Variants in WDR13 observed in about 807,000 individuals in gnomAD.
WDR13 encodes the protein WD repeat-containing protein 13.
Under a neutral mutation model 28.6 loss-of-function variants are expected in WDR13, and 1 was observed. The ratio of observed to expected loss-of-function variants is 0.03; its 90% CI spans 0.01 to 0.17. WDR13 has a LOEUF of 0.17. Ranked by LOEUF, WDR13 falls within the 10% of genes least tolerant of loss-of-function variation. The probability of loss-of-function intolerance (pLI) is 1.00; values close to 1 mark genes in which losing one functional copy is unlikely to be tolerated. For synonymous variants in WDR13, 201 were observed against 185.9 expected (o/e 1.08, Z -0.66); for missense variants, 264 against 469.3 (o/e 0.56, Z 4.04).
Position 48,598,900 on chromosome X carries a change from T to C in WDR13, c.225T>C (p.Ala75=). 1.7e-6 allele frequency: 2 copies of C among 1,210,104 alleles called. No individual in the cohort carries two copies. The highest frequency in any genetic ancestry group is 3.5e-5 in the South Asian group (2 of 56,888). ...RYGPLSEPGS[A]RAYSNSIVRS... ...GGCCCCTCTCCGAGCCAGGCAGTGCTCGTGCCTATAGCAACAGCATCGTCC... is the reference window on the plus strand; with the variant it reads ...GGCCCCTCTCCGAGCCAGGCAGTGCCCGTGCCTATAGCAACAGCATCGTCC... The change falls in exon 3 of 10, where the codon GCT becomes GCC. Residue 75 remains alanine, a synonymous_variant. Transcript: ENST00000376729.
At position 48,602,088 on chromosome X, in the gene WDR13, T is replaced by G. The variant is rs1306649710; in HGVS notation, c.1036T>G (p.Leu346Val). ...ATGKLTKAKR[L>V]VVHEGSPVTS... The stretch of plus-strand genomic sequence containing the variant: ...AGGGAAGCTGACCAAAGCCAAGCGT[T>G]TGGTGGTGCATGAGGGGAGCCCTGT... Residue 346 changes from leucine to valine, a missense_variant, in exon 8 of 10, where the codon TTG becomes GTG. Coordinates refer to ENST00000376729, the MANE Select transcript of WDR13 (RefSeq NM_001347217.2). 3.3e-6 allele frequency: 4 copies of G among 1,211,806 alleles called. No homozygotes were observed. The highest frequency in any genetic ancestry group is 4.5e-6 in the Non-Finnish European group (4 of 895,364).
chrX:48,604,741 A>T lies in WDR13; in HGVS notation c.1274-107A>T, dbSNP rs1282692507. The T allele has an allele frequency of 4.3e-6, 4 of 921,507 alleles. No homozygotes were observed. The African/African-American group carries it at 7.9e-5, about 18-fold the overall frequency. 75.9% of individuals were successfully genotyped at this position (921,507 alleles called of 1,213,427 possible). ...TCAAACCTCCCCAAGCCATGCTAGG[A>T]CCTCACACCTCGGACATACACCCTT... On this transcript the variant is annotated intron_variant, in intron 9 of 9. Transcript: ENST00000376729.
chrX:48,601,653 C>T, intron 6 of WDR13, 131 bp from the exon 7 acceptor site: 2 of 646,314 alleles, frequency 3.1e-6, no homozygotes, highest in South Asian at 1.1e-4. Flanking sequence ...ACCTTGTCTA[C>T]CTGCCACAGC....
Position 48,607,250 on chromosome X carries a change from CA to C in WDR13, c.*2220del, listed in dbSNP as rs2062225628. ...GGGCTTCTCTCTCATTGGAGTCACA[CA>C]AGATGTGCTCGGTTCACAGTAATGG... On this transcript the variant is annotated 3_prime_UTR_variant, in exon 10 of 10. Coordinates refer to ENST00000376729, the MANE Select transcript of WDR13 (RefSeq NM_001347217.2). The C allele has an allele frequency of 9.0e-6, 1 of 110,679 alleles. No homozygotes were observed. Among genetic ancestry groups the C allele is most frequent in the Non-Finnish European group, 1.9e-5 (1 of 52,938 alleles). 9.1% of individuals were successfully genotyped at this position (110,679 alleles called of 1,213,427 possible).
rs188914834 is a variant in WDR13, at chrX:48,604,472, C to T, written c.1273+82C>T. ...TGGTGCCAACCTGGCTCAGACATCACGACACCGATGCCCTGACTTCCTGGA... is the reference window on the plus strand; with the variant it reads ...TGGTGCCAACCTGGCTCAGACATCATGACACCGATGCCCTGACTTCCTGGA... On this transcript the variant is annotated intron_variant, in intron 9 of 9. Transcript: ENST00000376729. The T allele has an allele frequency of 5.4e-3, 4,570 of 846,966 alleles. 16 individuals carry two copies. Among genetic ancestry groups the T allele is most frequent in the Non-Finnish European group, 7.2e-3 (4,248 of 590,419 alleles). The allele number at this position is 846,966 out of a possible 1,213,427, so 69.8% of individuals were successfully genotyped here.
chrX:48,600,272 G>GC, intron 5 of WDR13, 47 bp from the exon 6 acceptor site: 5 of 1,149,640 alleles, frequency 4.3e-6, no homozygotes, highest in Non-Finnish European at 5.8e-6. Flanking sequence ...AGAGAAAAGT[G>GC]CCCAGTGAGT....
chrX:48,598,180 C>T, intron 2 of WDR13, 143 bp downstream of exon 2: 2 of 1,132,230 alleles, frequency 1.8e-6, no homozygotes, highest in Non-Finnish European at 2.3e-6. Context: ...CGGGGGCGGG[C>T]ACGCCCGCGG....
intron 8 of WDR13, 168 bp from the exon 9 acceptor site, chrX:48,604,104 A>G: frequency 2.3e-6 from 1 of 435,134 alleles, no homozygotes; most frequent in Non-Finnish European, 3.9e-6. Context: ...GCACCACTAC[A>G]CTCCAGCCTG....
Position 48,605,123 on chromosome X carries a change from C to T in WDR13, c.*91C>T, listed in dbSNP as rs1431886513. On this transcript the variant is annotated 3_prime_UTR_variant, in exon 10 of 10. Coordinates refer to ENST00000376729, the MANE Select transcript of WDR13 (RefSeq NM_001347217.2). ...AAGTTTCGGTGGTCATGCTGAGGGC[C>T]GGCTCCCAGCTCTGCCGGGGACGGA... The T allele has an allele frequency of 1.9e-5, 20 of 1,063,533 alleles. No homozygotes were observed. Among genetic ancestry groups the T allele is most frequent in the East Asian group, 6.6e-5 (2 of 30,148 alleles). 87.6% of individuals were successfully genotyped at this position (1,063,533 alleles called of 1,213,427 possible).
intron 6 of WDR13, 57 bp from the exon 7 acceptor site, chrX:48,601,727 A>G: frequency 2.7e-6 from 3 of 1,099,896 alleles, no homozygotes; most frequent in Non-Finnish European, 3.6e-6. Context: ...CACTGTGGTC[A>G]GACTCAAGGA....
At position 48,600,716 on chromosome X, in the gene WDR13, AG is replaced by A. The variant is rs370013333; in HGVS notation, c.831+97del. On this transcript the variant is annotated intron_variant, in intron 6 of 9. Coordinates refer to ENST00000376729, the MANE Select transcript of WDR13 (RefSeq NM_001347217.2). ...AATCAGAGTATAAGGAGGGACAGCC[AG>A]GGGGGGCCTAGGACCCCCCCACCCC... 2,202 of 1,055,719 alleles carry A rather than the reference AG, an allele frequency of 2.1e-3. 25 individuals are homozygous for A. The African/African-American group carries it at 0.03, about 14-fold the overall frequency. 87.0% of individuals were successfully genotyped at this position (1,055,719 alleles called of 1,213,427 possible). A position where few individuals can be genotyped will look rare whatever the true frequency, so the allele number is the denominator to read the frequency against.
At chrX:48,599,911 C>T (rs1556993924) in intron 5 of WDR13, 194 bp downstream of exon 5, 2 of 587,040 alleles carry the variant, frequency 3.4e-6, no homozygotes, top group Admixed American at 4.1e-5. Context: ...GCCTCAGAAG[C>T]CTAAGAGAGA....
At position 48,598,963 on chromosome X, in the gene WDR13, C is replaced by T; in HGVS notation, c.282+6C>T. ...CTACTCTTGACCGCATGGAGGTGAGCTTCTGGCCACATTCACCCCCGGGCA... is the reference window on the plus strand; with the variant it reads ...CTACTCTTGACCGCATGGAGGTGAGTTTCTGGCCACATTCACCCCCGGGCA... On this transcript the variant is annotated splice_donor_region_variant and intron_variant, in intron 3 of 9. Coordinates refer to ENST00000376729, the MANE Select transcript of WDR13 (RefSeq NM_001347217.2). 1 of 1,192,310 alleles carries T rather than the reference C, an allele frequency of 8.4e-7. No individual in the cohort carries two copies. Among genetic ancestry groups the T allele is most frequent in the Non-Finnish European group, 1.1e-6 (1 of 884,527 alleles).
intron 8 of WDR13, among the ~76,000 whole-genome samples, chrX:48,603,907 C>T (rs782398194): frequency 9.0e-6 from 1 of 111,498 alleles, no homozygotes; most frequent in African/African-American, 3.3e-5. Flanking sequence ...TTTATATCAA[C>T]AGAGACAGTT....
Position 48,600,559 on chromosome X carries a change from T to C in WDR13, c.764T>C (p.Ile255Thr). The change falls in exon 6 of 10, where the codon ATC (isoleucine) becomes ACC (threonine). Residue 255 changes from isoleucine to threonine, a missense_variant. By Grantham distance (89) the Ile-to-Thr change is moderately conservative. This residue lies in a region of WDR13 where 157 missense variants were observed against 270.2 expected (regional missense o/e 0.58). Transcript: ENST00000376729. ...ASEDGRCIRE[I>T]PDPDSAELLC... ...GAGGATGGTCGCTGCATCCGAGAGA[T>C]CCCTGACCCCGATAGCGCTGAACTG... is the stretch of plus-strand genomic sequence containing the variant. The C allele has an allele frequency of 8.3e-7, 1 of 1,211,624 alleles. No homozygotes were observed. The highest frequency in any genetic ancestry group is 1.1e-6 in the Non-Finnish European group (1 of 895,442).
At chrX:48,598,205 C>T in intron 2 of WDR13, 168 bp downstream of exon 2, 10 of 1,120,123 alleles carry the variant, frequency 8.9e-6, no homozygotes, top group East Asian at 3.5e-5. Flanking sequence ...TTGGCTGCGC[C>T]GGAGAGGATT....
chrX:48,600,603 C>T lies in WDR13; in HGVS notation c.808C>T (p.Pro270Ser). ...TGAACTGCTCTGCTGCACCTTCCAG[C>T]CTGTCAACAACAACCTCACTGTGGT... ...SAELLCCTFQ[P>S]VNNNLTVVGN... The change falls in exon 6 of 10, where the codon CCT (proline) becomes TCT (serine). Residue 270 changes from proline (P) to serine (S), a missense_variant. By Grantham distance (74) the Pro-to-Ser change is moderately conservative (BLOSUM62 -1). Around this residue, in one of 4 missense-constraint regions of WDR13, gnomAD observed 157 missense variants for 270.2 expected, o/e 0.58. Transcript: ENST00000376729. 1 of 1,210,209 alleles carries T rather than the reference C, an allele frequency of 8.3e-7. No individual in the cohort carries two copies. Among genetic ancestry groups the T allele is most frequent in the Non-Finnish European group, 1.1e-6 (1 of 894,726 alleles).
At chrX:48,601,987 T>A (rs782116987) in intron 7 of WDR13, 23 bp downstream of exon 7, 1 of 1,190,811 alleles carries the variant, frequency 8.4e-7, no homozygotes, top group Non-Finnish European at 1.1e-6. Context: ...CAGGCCTGCA[T>A]CTGGGTGCTC....
chrX:48,599,782 C>T (rs2062171341), intron 5 of WDR13, 65 bp downstream of exon 5: 2 of 1,190,961 alleles, frequency 1.7e-6, no homozygotes, highest in Admixed American at 4.4e-5. Flanking sequence ...CCAACCAAGG[C>T]ATCCTTTTCT....
Sources: allele counts gnomAD v4.1 joint callset (sites outside exome capture counted in the v4.1 genomes callset), GRCh38; gene constraint gnomAD v4.1.1; regional missense constraint gnomAD v4.1.1; transcripts MANE v1.5; gene names NCBI Gene and HGNC (gene_info 2026-07-23, HGNC 2026-07-21).